Variants in MORC1 observed in about 807,000 individuals in gnomAD.
MORC1 encodes the protein MORC family CW-type zinc finger protein 1.
MORC1 carries 59 observed loss-of-function variants against 134.9 expected under a neutral mutation model. That is an observed-to-expected ratio of 0.44 (90% CI 0.35 to 0.54). The LOEUF (loss-of-function observed/expected upper bound fraction) is 0.54. Ranked by LOEUF, MORC1 falls within the 20% of genes least tolerant of loss-of-function variation. MORC1 has a pLI of 0.00. For missense variants in MORC1, 947 were observed against 1,134.5 expected, an observed-to-expected ratio of 0.83 and a Z score of 2.37; for synonymous variants, 395 against 391.7, an observed-to-expected ratio of 1.01 and a Z score of -0.10.
rs150966807 is a variant in MORC1, at chr3:109,028,979, C to T, written c.1566-1090G>A. On this transcript the variant is annotated intron_variant, in intron 16 of 27. Coordinates refer to ENST00000232603, the MANE Select transcript of MORC1 (RefSeq NM_014429.4). ...GGAGGGACAAAGTCCACAGAAAATA[C>T]ATGGGTGTTAGGCCAGGCAAGGGAG... Among the ~76,000 whole-genome samples the T allele has an allele frequency of 2.6e-3, 397 of 152,224 alleles. 4 individuals are homozygous for T. The highest frequency in any genetic ancestry group is 0.02 in the South Asian group (96 of 4,820).
chr3:108,967,106 CT>C (rs1947241822), intron 26 of MORC1, among the ~76,000 whole-genome samples: 1 of 152,142 alleles, frequency 6.6e-6, no homozygotes, highest in Non-Finnish European at 1.5e-5. Context: ...TCAGTAGGAA[CT>C]GCTGGTCTCC....
intron 24 of MORC1, among the ~76,000 whole-genome samples, chr3:108,977,934 G>A (rs1451742109): frequency 6.6e-6 from 1 of 152,154 alleles, no homozygotes; most frequent in Non-Finnish European, 1.5e-5. Context: ...CTGGAGTGCA[G>A]TGGCGCGATC....
At chr3:109,114,284 A>G in intron 2 of MORC1, 100 bp downstream of exon 2, 2 of 1,060,750 alleles carry the variant, frequency 1.9e-6, no homozygotes, top group Admixed American at 2.9e-5. Context: ...AACATTCCAG[A>G]TGGGAAAATA....
chr3:108,971,285 G>A (rs1419173530), intron 25 of MORC1, 45 bp downstream of exon 25: 2 of 1,538,850 alleles, frequency 1.3e-6, no homozygotes, highest in Admixed American at 1.7e-5. Flanking sequence ...CTGAGATTCA[G>A]GCTATTCTAT....
rs541452371 is a variant in MORC1 at position 109,007,981 on chromosome 3, A to T, written c.1705-890T>A. Among the ~76,000 whole-genome samples the T allele has an allele frequency of 1.8e-4, 28 of 152,050 alleles. No individual in the cohort carries two copies. The South Asian group carries it at 5.6e-3, about 30-fold the overall frequency. On this transcript the variant is annotated intron_variant, in intron 17 of 27. Coordinates refer to ENST00000232603, the MANE Select transcript of MORC1 (RefSeq NM_014429.4). ...TGTGTGTGTATACATATATATACAA[A>T]TTTTTCCCACTTTTTGTGGTAGGGA...
chr3:109,086,077 C>G (rs138436752), intron 8 of MORC1, among the ~76,000 whole-genome samples: 1 of 151,796 alleles, frequency 6.6e-6, no homozygotes, highest in East Asian at 1.9e-4. Flanking sequence ...ATGGTAGTTA[C>G]CAGAGGCAAG....
At chr3:108,974,083 T>A (rs1947480411) in intron 24 of MORC1, among the ~76,000 whole-genome samples, 1 of 152,050 alleles carries the variant, frequency 6.6e-6, no homozygotes, top group Non-Finnish European at 1.5e-5. Context: ...GGACCCTCCT[T>A]CAGTGTCTGT....
In MORC1 at chr3:108,965,922, G is replaced by A. The variant is rs574741862; in HGVS notation, c.2605-2314C>T. Among the ~76,000 whole-genome samples, 5 of 152,232 alleles carry A rather than the reference G, an allele frequency of 3.3e-5. No individual in the cohort carries two copies. In the South Asian group the frequency reaches 1.0e-3, roughly 32 times the overall value. On this transcript the variant is annotated intron_variant, in intron 26 of 27. Coordinates refer to ENST00000232603, the MANE Select transcript of MORC1 (RefSeq NM_014429.4). ...TCAGTCTCTGAAAGTTTACCTTTTA[G>A]TAACCAGTAAACTACGTTTTTATCA...
intron 17 of MORC1, among the ~76,000 whole-genome samples, chr3:109,009,197 GT>G (rs201228015): frequency 1.5e-5 from 2 of 133,810 alleles, no homozygotes; most frequent in African/African-American, 5.6e-5. Context: ...CTATTTTTAC[GT>G]TTTTTGTTGT....
In MORC1 at chr3:109,058,419, T is replaced by C. The variant is rs114025549; in HGVS notation, c.1032-933A>G. Among the ~76,000 whole-genome samples the C allele has an allele frequency of 5.1e-3, 779 of 152,256 alleles. 18 individuals carry two copies. The highest frequency in any genetic ancestry group is 0.018 in the African/African-American group (748 of 41,558). ...TCAAGAATGACACCAAAAATAATTC[T>C]CCTGCACTTACCCTGTAGCTCCCCT... is the stretch of plus-strand genomic sequence containing the variant. On this transcript the variant is annotated intron_variant, in intron 12 of 27. Coordinates refer to ENST00000232603, the MANE Select transcript of MORC1 (RefSeq NM_014429.4).
intron 2 of MORC1, among the ~76,000 whole-genome samples, chr3:109,113,059 T>C (rs1386913190): frequency 6.6e-6 from 1 of 152,116 alleles, no homozygotes; most frequent in Non-Finnish European, 1.5e-5. Context: ...GTTGGAAAAA[T>C]AGATAAATGT....
chr3:109,044,729 A>G (rs181768715), intron 14 of MORC1, among the ~76,000 whole-genome samples: 1 of 151,866 alleles, frequency 6.6e-6, no homozygotes, highest in East Asian at 1.9e-4. Flanking sequence ...CAGCTCATTC[A>G]AGGTCAGGAG....
chr3:108,979,509 CT>C lies in MORC1; in HGVS notation c.2477+5del. 1 of 1,613,492 alleles carries C rather than the reference CT, an allele frequency of 6.2e-7. No homozygotes were observed. The highest frequency in any genetic ancestry group is 2.2e-5 in the East Asian group (1 of 44,862). ...CATGTGGAAATATGTGAGTAAATAT[CT>C]TTACCTTAACTTAGACTTCAGTTTT... On this transcript the variant is annotated splice_donor_5th_base_variant and intron_variant, in intron 24 of 27. Coordinates refer to ENST00000232603, the MANE Select transcript of MORC1 (RefSeq NM_014429.4).
At chr3:109,101,915 C>A (rs558840246) in intron 4 of MORC1, among the ~76,000 whole-genome samples, 2 of 152,250 alleles carry the variant, frequency 1.3e-5, no homozygotes, top group South Asian at 2.1e-4. Flanking sequence ...AGCTCTGAAC[C>A]AAATCCCATG....
intron 17 of MORC1, among the ~76,000 whole-genome samples, chr3:109,019,539 C>T (rs1034982919): frequency 3.3e-5 from 5 of 152,120 alleles, no homozygotes; most frequent in African/African-American, 1.2e-4. Flanking sequence ...GTTTACGTCA[C>T]GTTGGCCAGA....
Position 109,117,990 on chromosome 3 carries a change from C to T in MORC1, c.65+5G>A. ...CCCCGACCCCGACCCCACCTCGGCA[C>T]TCACGAGTTGGCGTGGATGAAATCC... On this transcript the variant is annotated splice_donor_5th_base_variant and intron_variant, in intron 1 of 27. Transcript: ENST00000232603. The T allele has an allele frequency of 6.3e-7, 1 of 1,596,740 alleles. No homozygotes were observed. Among genetic ancestry groups the T allele is most frequent in the Non-Finnish European group, 8.5e-7 (1 of 1,171,764 alleles).
rs1376229747 is a variant in MORC1, at chr3:109,040,395, A to G, written c.1331-4927T>C. On this transcript the variant is annotated intron_variant, in intron 14 of 27. Transcript: ENST00000232603. The stretch of plus-strand genomic sequence containing the variant: ...GAAAGAAAGAAAGAAAGAAAGAAAG[A>G]AAGAAAGAGAAGGAAGGAAGGAAGG... Among the ~76,000 whole-genome samples the G allele has an allele frequency of 1.2e-3, 59 of 51,220 alleles. 1 individual carries two copies. The highest frequency in any genetic ancestry group is 5.4e-3 in the Admixed American group (24 of 4,466). The allele number at this position is 51,220 out of a possible 152,430, so 33.6% of individuals were successfully genotyped here. A position where few individuals can be genotyped will look rare whatever the true frequency, so the allele number is the denominator to read the frequency against.
chr3:108,996,246 A>G (rs536268913), intron 21 of MORC1, among the ~76,000 whole-genome samples: 74 of 129,860 alleles, frequency 5.7e-4, no homozygotes, highest in African/African-American at 2.0e-3. Flanking sequence ...CTACCACAAT[A>G]CACATGCCTG....
chr3:108,975,258 T>A (rs1425791748), intron 24 of MORC1, among the ~76,000 whole-genome samples: 1 of 152,204 alleles, frequency 6.6e-6, no homozygotes, highest in African/African-American at 2.4e-5. Flanking sequence ...AGTAAAAGAC[T>A]AGTATGAAAT....
Sources: gnomAD v4.1 joint callset for allele counts (sites outside exome capture counted in the v4.1 genomes callset) on GRCh38, gnomAD v4.1.1 for gene constraint, MANE v1.5 for transcripts, NCBI Gene and HGNC (gene_info 2026-07-23, HGNC 2026-07-21) for gene names.